Variants in PRRC2C observed in about 807,000 individuals in gnomAD.
PRRC2C encodes the protein proline rich coiled-coil 2C, also known as protein PRRC2C.
A neutral mutation model predicts 317.2 loss-of-function variants in PRRC2C; 72 were observed. The ratio of observed to expected loss-of-function variants is 0.23; its 90% CI spans 0.19 to 0.28. The LOEUF (loss-of-function observed/expected upper bound fraction) is 0.28, where lower values mean the gene tolerates loss of function less well. Ranked by LOEUF, PRRC2C falls within the 10% of genes least tolerant of loss-of-function variation. The pLI is 1.00. For missense variants in PRRC2C, 3,074 were observed against 3,459.7 expected, an observed-to-expected ratio of 0.89 and a Z score of 2.80; for synonymous variants, 1,296 against 1,205.9, an observed-to-expected ratio of 1.07 and a Z score of -1.55.
At chr1:171,560,670 A>G (rs190991381) in intron 19 of PRRC2C, among the ~76,000 whole-genome samples, 4 of 152,236 alleles carry the variant, frequency 2.6e-5, no homozygotes, top group Non-Finnish European at 5.9e-5. Flanking sequence ...AGTTTTTTTA[A>G]AATTAAAAAG....
chr1:171,560,799 T>C (rs1682535259), intron 19 of PRRC2C, among the ~76,000 whole-genome samples: 1 of 152,242 alleles, frequency 6.6e-6, no homozygotes, highest in Admixed American at 6.5e-5. Flanking sequence ...ATTGCAATAC[T>C]TGCTTTATTG....
intron 15 of PRRC2C, among the ~76,000 whole-genome samples, chr1:171,539,206 G>T (rs1177443318): frequency 1.3e-5 from 2 of 151,900 alleles, no homozygotes; most frequent in African/African-American, 4.8e-5. Context: ...TCTCCATGTT[G>T]GTCAGGCTGG....
intron 12 of PRRC2C, among the ~76,000 whole-genome samples, chr1:171,534,543 C>T (rs553694321): frequency 1.3e-5 from 2 of 152,082 alleles, no homozygotes; most frequent in Admixed American, 1.3e-4. Flanking sequence ...GAGATGTTCT[C>T]AAGACACACG....
chr1:171,528,929 C>T (rs995583824), intron 11 of PRRC2C, among the ~76,000 whole-genome samples: 4 of 151,682 alleles, frequency 2.6e-5, no homozygotes, highest in Admixed American at 2.0e-4. Context: ...TCTCACCTCC[C>T]CAGCAGCTGG....
At chr1:171,582,039 G>T (rs575876272) in intron 28 of PRRC2C, among the ~76,000 whole-genome samples, 1 of 152,162 alleles carries the variant, frequency 6.6e-6, no homozygotes, top group Admixed American at 6.5e-5. Context: ...TTGTTTGCTT[G>T]CTTAATCTTC....
Position 171,517,678 on chromosome 1 carries a change from G to C in PRRC2C, c.614G>C (p.Ser205Thr). 1.2e-6 allele frequency: 2 copies of C among 1,613,576 alleles called. No individual in the cohort carries two copies. Among genetic ancestry groups the C allele is most frequent in the Non-Finnish European group, 1.7e-6 (2 of 1,179,814 alleles). ...GAAAAGCTCCCTGGCCAGGATGAAAGCACAGCTGGAACATCAGAGCAAAAT... is the reference window on the plus strand; with the variant it reads ...GAAAAGCTCCCTGGCCAGGATGAAACCACAGCTGGAACATCAGAGCAAAAT... ...QDEKLPGQDE[S>T]TAGTSEQNDI... The change falls in exon 6 of 35, where the codon AGC (serine) becomes ACC (threonine). Residue 205 changes from serine (S) to threonine (T), a missense_variant. Around this residue, in one of 11 missense-constraint regions of PRRC2C, gnomAD observed 237 missense variants for 199.5 expected, o/e 1.19. Transcript: ENST00000647382.
intron 1 of PRRC2C, among the ~76,000 whole-genome samples, chr1:171,491,523 G>A (rs895202959): frequency 2.0e-5 from 3 of 152,170 alleles, no homozygotes; most frequent in African/African-American, 7.2e-5. Context: ...CCTATGGAGA[G>A]CAATGGATGC....
Position 171,557,566 on chromosome 1 carries a change from A to G in PRRC2C, c.5454A>G (p.Ser1818=). 1 of 1,551,616 alleles carries G rather than the reference A, an allele frequency of 6.4e-7. No individual in the cohort carries two copies. The highest frequency in any genetic ancestry group is 2.0e-5 in the Admixed American group (1 of 50,976). Residue 1818 remains serine, a synonymous_variant, in exon 19 of 35, where the codon TCA becomes TCG. Coordinates refer to ENST00000647382, the MANE Select transcript of PRRC2C (RefSeq NM_001387844.1). ...CAGTTTCAGCCTCAGCCTCAGTCTCAGCTTCAGTTCCAGCCTCTACTTCAG... is the reference window on the plus strand; with the variant it reads ...CAGTTTCAGCCTCAGCCTCAGTCTCGGCTTCAGTTCCAGCCTCTACTTCAG... ...LAPVSASASV[S]ASVPASTSAA... is the part of the protein sequence containing the mutation.
At chr1:171,526,418 A>C in intron 10 of PRRC2C, among the ~76,000 whole-genome samples, 1 of 152,132 alleles carries the variant, frequency 6.6e-6, no homozygotes, top group Admixed American at 6.5e-5. Context: ...GCTCACTGCA[A>C]CCTCCACCTC....
chr1:171,487,936 C>T (rs1020896008), intron 1 of PRRC2C, among the ~76,000 whole-genome samples: 1 of 152,114 alleles, frequency 6.6e-6, no homozygotes, highest in Non-Finnish European at 1.5e-5. Flanking sequence ...TGCTTCTTAG[C>T]GATTTCTTTA....
At chr1:171,576,447 CA>C (rs2102795948) in intron 25 of PRRC2C, among the ~76,000 whole-genome samples, 1 of 152,298 alleles carries the variant, frequency 6.6e-6, no homozygotes, top group East Asian at 1.9e-4. Context: ...GGTGGAACAT[CA>C]TCTGAAGATA....
At position 171,540,681 on chromosome 1, in the gene PRRC2C, C is replaced by T. The variant is rs764588047; in HGVS notation, c.3215C>T (p.Pro1072Leu). ...CCACCACCACCTCAGCCACCAGCAC[C>T]AATTCAGCCACAGTCAGTTCCACCA... ...PPPPPPQPPA[P>L]IQPQSVPPPI... Residue 1072 changes from proline to leucine, a missense_variant, in exon 16 of 35, where the codon CCA becomes CTA. Coordinates refer to ENST00000647382, the MANE Select transcript of PRRC2C (RefSeq NM_001387844.1). 17 of 1,613,796 alleles carry T rather than the reference C, an allele frequency of 1.1e-5. No homozygotes were observed. The Admixed American group carries it at 2.5e-4, about 24-fold the overall frequency.
chr1:171,516,636 CA>C (rs1168353731), intron 5 of PRRC2C, among the ~76,000 whole-genome samples: 1 of 152,148 alleles, frequency 6.6e-6, no homozygotes, highest in Non-Finnish European at 1.5e-5. Context: ...CAATGTAAAA[CA>C]ACAAACTGAA....
At chr1:171,495,821 C>T (rs2102072583) in intron 1 of PRRC2C, among the ~76,000 whole-genome samples, 1 of 152,216 alleles carries the variant, frequency 6.6e-6, no homozygotes, top group Admixed American at 6.5e-5. Context: ...ATAGTTCAGG[C>T]TGCCATAACA....
chr1:171,486,311 A>T (rs1348248164), intron 1 of PRRC2C, among the ~76,000 whole-genome samples: 1 of 151,822 alleles, frequency 6.6e-6, no homozygotes, highest in Non-Finnish European at 1.5e-5. Flanking sequence ...TCCGCTAGGG[A>T]AGTGCTGCCC....
At chr1:171,489,238 A>G (rs1462351380) in intron 1 of PRRC2C, among the ~76,000 whole-genome samples, 1 of 152,258 alleles carries the variant, frequency 6.6e-6, no homozygotes, top group Non-Finnish European at 1.5e-5. Context: ...TAAGAATAGT[A>G]TCACAGGTAA....
chr1:171,578,824 A>G (rs979308590), intron 26 of PRRC2C, among the ~76,000 whole-genome samples: 22 of 152,192 alleles, frequency 1.4e-4, no homozygotes, highest in Non-Finnish European at 2.6e-4. Flanking sequence ...CAATCGTGCC[A>G]CTGCACTTCA....
chr1:171,536,793 G>C (rs1044315557), intron 14 of PRRC2C, among the ~76,000 whole-genome samples: 6 of 152,082 alleles, frequency 3.9e-5, no homozygotes, highest in African/African-American at 9.7e-5. Flanking sequence ...CACAAATCAT[G>C]TTTTGATTTT....
In PRRC2C at chr1:171,538,883, G is replaced by C. The variant is rs569099075; in HGVS notation, c.2505-1088G>C. ...GCAGTACCATACCCGGCTAATTTTT[G>C]TATTTTTTGTACAGACAGGGTTTTT... On this transcript the variant is annotated intron_variant, in intron 15 of 34. Coordinates refer to ENST00000647382, the MANE Select transcript of PRRC2C (RefSeq NM_001387844.1). Among the ~76,000 whole-genome samples the C allele has an allele frequency of 1.4e-4, 21 of 151,874 alleles. No homozygotes were observed. The South Asian group carries it at 4.4e-3, about 32-fold the overall frequency.
Sources: allele counts gnomAD v4.1 joint callset (sites outside exome capture counted in the v4.1 genomes callset), GRCh38; gene constraint gnomAD v4.1.1; regional missense constraint gnomAD v4.1.1; transcripts MANE v1.5; gene names NCBI Gene and HGNC (gene_info 2026-07-23, HGNC 2026-07-21).